Variants in UNC79 observed in about 807,000 individuals in gnomAD.
UNC79 encodes protein unc-79 homolog.
A neutral mutation model predicts 283.1 loss-of-function variants in UNC79; 37 were observed. That is an observed-to-expected ratio of 0.13 (90% confidence interval 0.10 to 0.17). The LOEUF (loss-of-function observed/expected upper bound fraction) is 0.17. UNC79 is among the 10% of genes least tolerant of loss of function. The probability of loss-of-function intolerance (pLI) is 1.00; values close to 1 mark genes in which losing one functional copy is unlikely to be tolerated. For missense variants in UNC79, 2,272 were observed against 3,211.1 expected (o/e 0.71, Z 7.07); for synonymous variants, 1,107 against 1,200.2 (o/e 0.92, Z 1.61).
At chr14:93,403,844 T>G (rs1487383569) in intron 1 of UNC79, among the ~76,000 whole-genome samples, 1 of 150,788 alleles carries the variant, frequency 6.6e-6, no homozygotes, top group Non-Finnish European at 1.5e-5. Flanking sequence ...TTGAAAGTGT[T>G]GAAGTGAAAA....
At chr14:93,433,107 A>G (rs1402881357) in intron 1 of UNC79, among the ~76,000 whole-genome samples, 1 of 152,182 alleles carries the variant, frequency 6.6e-6, no homozygotes, top group Non-Finnish European at 1.5e-5. Context: ...TGAGCTTTGT[A>G]TGTCCTTCTG....
intron 14 of UNC79, among the ~76,000 whole-genome samples, chr14:93,571,142 A>G (rs1486736145): frequency 6.6e-6 from 1 of 152,218 alleles, no homozygotes; most frequent in Non-Finnish European, 1.5e-5. Context: ...TTAAAATTGA[A>G]TTCATTTAAA....
At chr14:93,681,202 C>A (rs1298445567) in intron 41 of UNC79, among the ~76,000 whole-genome samples, 6 of 152,210 alleles carry the variant, frequency 3.9e-5, no homozygotes, top group African/African-American at 1.4e-4. Context: ...ATGTGGAGAT[C>A]TGTGTCCACT....
chr14:93,559,479 C>T (rs1312632831), intron 14 of UNC79, among the ~76,000 whole-genome samples: 1 of 152,020 alleles, frequency 6.6e-6, no homozygotes, highest in Non-Finnish European at 1.5e-5. Flanking sequence ...TGGGCTGAGT[C>T]CAAAAAGAGA....
At chr14:93,615,720 C>CAAAAAAAAAAAAAAAAAAAAAAA (rs1158073507) in intron 27 of UNC79, among the ~76,000 whole-genome samples, 1 of 23,294 alleles carries the variant, frequency 4.3e-5, no homozygotes. Flanking sequence ...GACTCCATCT[C>CAAAAAAAAAAAAAAAAAAAAAAA]AAAAAAAAAA....
intron 31 of UNC79, among the ~76,000 whole-genome samples, chr14:93,632,437 C>T (rs760709532): frequency 7.9e-5 from 12 of 152,156 alleles, no homozygotes; most frequent in Non-Finnish European, 1.8e-4. Context: ...TGGTGGCTCA[C>T]GCCTGTAATC....
chr14:93,568,643 C>T (rs1351728314), intron 14 of UNC79, among the ~76,000 whole-genome samples: 1 of 151,854 alleles, frequency 6.6e-6, no homozygotes, highest in Non-Finnish European at 1.5e-5. Context: ...TGCACTCCAG[C>T]CTGGGTAACA....
chr14:93,426,570 G>T (rs977109843), upstream of UNC79, among the ~76,000 whole-genome samples: 7 of 151,166 alleles, frequency 4.6e-5, no homozygotes, highest in Non-Finnish European at 7.4e-5. Flanking sequence ...TTTTCGATCT[G>T]TTTTTCAGAT....
chr14:93,629,057 G>A (rs905915475), intron 30 of UNC79, among the ~76,000 whole-genome samples: 1 of 152,080 alleles, frequency 6.6e-6, no homozygotes, highest in Non-Finnish European at 1.5e-5. Context: ...AAATTAGCTG[G>A]GCATGGTGGT....
At chr14:93,333,242 C>G (rs546851257) in exon 1 of UNC79, 1 of 361,064 alleles carries the variant, frequency 2.8e-6, no homozygotes. Flanking sequence ...GGCTGGGAGC[C>G]GGGCGTCGGG....
At chr14:93,671,334 A>G (rs2072828284) in intron 40 of UNC79, among the ~76,000 whole-genome samples, 1 of 152,158 alleles carries the variant, frequency 6.6e-6, no homozygotes, top group African/African-American at 2.4e-5. Flanking sequence ...ACTTCAAAGA[A>G]GAGAGAAAGG....
rs543085708 is a variant in UNC79 at position 93,605,959 on chromosome 14, C to T, written c.3754+2541C>T. 3.3e-5 allele frequency among the ~76,000 whole-genome samples: 5 copies of T among 152,216 alleles called. No individual in the cohort carries two copies. In the East Asian group the frequency reaches 7.7e-4, roughly 23 times the overall value. ...CCTTACACATCGCTCATGTACGCTA[C>T]TGTGCTGTGATTTTTTTTAAAAGAA... On this transcript the variant is annotated intron_variant, in intron 26 of 48. Transcript: ENST00000555664.
intron 17 of UNC79, among the ~76,000 whole-genome samples, chr14:93,576,849 C>T (rs970441844): frequency 3.3e-5 from 5 of 152,146 alleles, no homozygotes; most frequent in African/African-American, 1.2e-4. Flanking sequence ...CTGGTACCTC[C>T]CATTGACTGA....
intron 26 of UNC79, among the ~76,000 whole-genome samples, chr14:93,608,608 C>T (rs1404406607): frequency 6.6e-6 from 1 of 152,174 alleles, no homozygotes; most frequent in East Asian, 1.9e-4. Flanking sequence ...TGAGAGCTGC[C>T]TGTGGAATGG....
chr14:93,590,847 G>T (rs1028203492), intron 22 of UNC79, among the ~76,000 whole-genome samples: 1 of 152,186 alleles, frequency 6.6e-6, no homozygotes, highest in Non-Finnish European at 1.5e-5. Context: ...AACTACACCG[G>T]AAGTTCCATG....
At chr14:93,377,401 G>GT (rs2139980470) in intron 1 of UNC79, among the ~76,000 whole-genome samples, 1 of 152,160 alleles carries the variant, frequency 6.6e-6, no homozygotes, top group African/African-American at 2.4e-5. Flanking sequence ...GCCGAGAATA[G>GT]TTGTTTCTTA....
chr14:93,502,801 A>G (rs1210565026), intron 7 of UNC79, among the ~76,000 whole-genome samples: 4 of 152,250 alleles, frequency 2.6e-5, no homozygotes, highest in Admixed American at 6.5e-5. Context: ...GCAAAAGCAG[A>G]TAGAGAATAA....
At chr14:93,388,975 C>T (rs1173055790) in intron 1 of UNC79, among the ~76,000 whole-genome samples, 1 of 152,172 alleles carries the variant, frequency 6.6e-6, no homozygotes, top group East Asian at 1.9e-4. Flanking sequence ...AATGGCTAAT[C>T]TCTTTAGGAA....
At chr14:93,593,961 G>T (rs1161459540) in intron 23 of UNC79, 124 bp downstream of exon 23, 22 of 1,115,944 alleles carry the variant, frequency 2.0e-5, no homozygotes, top group Non-Finnish European at 2.6e-5. Flanking sequence ...CTGCTGGCTG[G>T]TGTCCTTTGG....
Sources: gnomAD v4.1 joint callset for allele counts (sites outside exome capture counted in the v4.1 genomes callset) on GRCh38, gnomAD v4.1.1 for gene constraint, MANE v1.5 for transcripts, NCBI Gene and HGNC (gene_info 2026-07-23, HGNC 2026-07-21) for gene names.